The following GRK3 variants were observed in gnomAD, a reference collection of about 807,000 sequenced individuals.
The protein encoded by GRK3 is G protein-coupled receptor kinase 3, also known as adrenergic, beta, receptor kinase 2.
GRK3 carries 54 observed loss-of-function variants against 95.7 expected under a neutral mutation model. That is an observed-to-expected ratio of 0.56 (90% CI 0.45 to 0.71). The LOEUF (loss-of-function observed/expected upper bound fraction) is 0.71, where lower values mean the gene tolerates loss of function less well. Among genes scored for constraint, GRK3 ranks in the 30% least tolerant of loss-of-function variants. The pLI, the probability that GRK3 is intolerant of heterozygous loss-of-function variation, is 0.00. For missense variants in GRK3, 649 were observed against 851.2 expected, an observed-to-expected ratio of 0.76 and a Z score of 2.96; for synonymous variants, 281 against 290.8, an observed-to-expected ratio of 0.97 and a Z score of 0.34.
chr22:25,654,488 G>A (rs546080217), intron 3 of GRK3, among the ~76,000 whole-genome samples: 208 of 152,262 alleles, frequency 1.4e-3, no homozygotes, highest in Non-Finnish European at 2.2e-3. Flanking sequence ...TATGATGTAC[G>A]TTTACCATAA....
At chr22:25,659,350 A>G (rs1352640432) in intron 3 of GRK3, among the ~76,000 whole-genome samples, 1 of 152,196 alleles carries the variant, frequency 6.6e-6, no homozygotes, top group East Asian at 1.9e-4. Context: ...AGACCATCTC[A>G]CTACAATGGT....
intron 2 of GRK3, among the ~76,000 whole-genome samples, chr22:25,609,201 C>T (rs1276916203): frequency 3.9e-5 from 6 of 152,212 alleles, no homozygotes; most frequent in South Asian, 4.2e-4. Flanking sequence ...ATTGTAATTT[C>T]ATCATATGAA....
intron 9 of GRK3, among the ~76,000 whole-genome samples, chr22:25,682,679 A>G (rs112660039): frequency 0.02 from 3,033 of 152,324 alleles, 47 homozygotes; most frequent in Non-Finnish European, 0.028. Context: ...AAAGAATCTA[A>G]GTGGATTTCA....
intron 12 of GRK3, among the ~76,000 whole-genome samples, chr22:25,693,114 G>A (rs944238253): frequency 2.0e-5 from 3 of 152,230 alleles, no homozygotes; most frequent in African/African-American, 7.2e-5. Flanking sequence ...GAGCTGAGCA[G>A]ATTGTCAGTG....
intron 13 of GRK3, chr22:25,702,978 T>C (rs1426964067): frequency 2.3e-6 from 1 of 431,408 alleles, no homozygotes; most frequent in Non-Finnish European, 4.6e-6. Flanking sequence ...CTGTGGAGAA[T>C]CTGCTGGTGC....
chr22:25,589,963 G>A (rs1363517036), intron 1 of GRK3, among the ~76,000 whole-genome samples: 2 of 152,144 alleles, frequency 1.3e-5, no homozygotes, highest in Admixed American at 1.3e-4. Context: ...AAAACAGCAT[G>A]GGAAAGATCC....
rs533697644 is a variant in GRK3, at chr22:25,722,685, T to G, written c.*235T>G. On this transcript the variant is annotated 3_prime_UTR_variant, in exon 21 of 21. Transcript: ENST00000324198. ...TCTTTGCTACACACTTTGGTACCTA[T>G]GAACCTAGAACTTGAAGTGACTCCT... 12 of 433,034 alleles carry G rather than the reference T, an allele frequency of 2.8e-5. No individual in the cohort carries two copies. The highest frequency in any genetic ancestry group is 4.5e-5 in the Non-Finnish European group (11 of 242,520). 26.8% of individuals were successfully genotyped at this position (433,034 alleles called of 1,614,324 possible).
chr22:25,626,544 C>T (rs1445267126), intron 2 of GRK3, among the ~76,000 whole-genome samples: 2 of 152,176 alleles, frequency 1.3e-5, no homozygotes, highest in Non-Finnish European at 2.9e-5. Context: ...TCAGAGTGAA[C>T]TCTCACTAGA....
intron 4 of GRK3, 91 bp from the exon 5 acceptor site, chr22:25,663,539 G>T: frequency 1.4e-6 from 1 of 733,952 alleles, no homozygotes. Context: ...TTTAGTAATT[G>T]CTGTGTTAAA....
chr22:25,658,696 G>T (rs1287038772), intron 3 of GRK3, among the ~76,000 whole-genome samples: 2 of 152,170 alleles, frequency 1.3e-5, no homozygotes, highest in African/African-American at 4.8e-5. Flanking sequence ...CAGAGCCTGA[G>T]TTTGTGTTAT....
intron 6 of GRK3, 22 bp downstream of exon 6, chr22:25,667,822 T>G (rs372131254): frequency 4.8e-6 from 7 of 1,456,532 alleles, no homozygotes; most frequent in Non-Finnish European, 6.7e-6. Context: ...TATGCATATA[T>G]ATACACAATT....
At chr22:25,645,258 T>C (rs2084772452) in intron 3 of GRK3, among the ~76,000 whole-genome samples, 1 of 151,962 alleles carries the variant, frequency 6.6e-6, no homozygotes, top group South Asian at 2.1e-4. Context: ...GAGTCTGGAG[T>C]CTGAAAACAG....
At chr22:25,677,051 T>A (rs1428772603) in intron 8 of GRK3, among the ~76,000 whole-genome samples, 1 of 152,146 alleles carries the variant, frequency 6.6e-6, no homozygotes, top group Non-Finnish European at 1.5e-5. Flanking sequence ...TCTCCTTTGG[T>A]CTGCAATCTA....
chr22:25,606,494 T>C (rs1339732615), intron 2 of GRK3, among the ~76,000 whole-genome samples: 3 of 152,164 alleles, frequency 2.0e-5, no homozygotes, highest in East Asian at 3.9e-4. Context: ...TGGGAGTAAA[T>C]GTGTCTGACA....
At chr22:25,659,044 G>T (rs1456618792) in intron 3 of GRK3, among the ~76,000 whole-genome samples, 3 of 152,138 alleles carry the variant, frequency 2.0e-5, no homozygotes, top group Non-Finnish European at 2.9e-5. Context: ...GAATATAATT[G>T]ATATTTGAAA....
chr22:25,643,700 A>G (rs956438533), intron 2 of GRK3, among the ~76,000 whole-genome samples: 1 of 152,248 alleles, frequency 6.6e-6, no homozygotes, highest in Non-Finnish European at 1.5e-5. Context: ...ACCATTAGGC[A>G]TTAAGCTAGG....
At chr22:25,686,048 C>T (rs1323335108) in intron 10 of GRK3, among the ~76,000 whole-genome samples, 5 of 151,432 alleles carry the variant, frequency 3.3e-5, no homozygotes, top group South Asian at 2.1e-4. Context: ...TGTGAAACCC[C>T]GTCCCTACTA....
chr22:25,699,694 C>CT (rs1157678995), intron 13 of GRK3, among the ~76,000 whole-genome samples: 3,002 of 138,276 alleles, frequency 0.022, 43 homozygotes, highest in African/African-American at 0.039. Flanking sequence ...CTTTTCTTTT[C>CT]TTTTCTTTTT....
chr22:25,635,724 G>A (rs2084696007), intron 2 of GRK3, among the ~76,000 whole-genome samples: 1 of 152,164 alleles, frequency 6.6e-6, no homozygotes, highest in Non-Finnish European at 1.5e-5. Context: ...CTTAAAGTGG[G>A]TGTTTGCTAG....
Sources: gnomAD v4.1 joint callset for allele counts (sites outside exome capture counted in the v4.1 genomes callset) on GRCh38, gnomAD v4.1.1 for gene constraint, MANE v1.5 for transcripts, NCBI Gene and HGNC (gene_info 2026-07-23, HGNC 2026-07-21) for gene names.